The following CSAG1 variants were observed in gnomAD, a reference collection of about 807,000 sequenced individuals.
The protein encoded by CSAG1 is chondrosarcoma associated gene 1, also known as chondrosarcoma-associated gene 1 protein.
CSAG1 carries 4 observed loss-of-function variants against 4.8 expected under a neutral mutation model. That is an observed-to-expected ratio of 0.83 (90% CI 0.41 to 1.90). CSAG1 has a LOEUF of 1.90. Among genes scored for constraint, CSAG1 ranks in the 40% most tolerant of loss-of-function variants. CSAG1 has a pLI of 0.03. For missense variants in CSAG1, 69 were observed against 59.5 expected (o/e 1.16, Z -0.53); for synonymous variants, 21 against 23.1 (o/e 0.91, Z 0.26).
chrX:152,728,205 A>T lies in CSAG1; in HGVS notation c.36T>A (p.Thr12=). 1 of 1,210,957 alleles carries T rather than the reference A, an allele frequency of 8.3e-7. No homozygotes were observed. ...SATTACWPAF[T]VLGEARGDQV... ...GGTCTCCCCGAGCTTCCCCCAGGAC[A>T]GTGAAGGCAGGCCAGCAGGCTAGAA... Residue 12 remains threonine (T), a synonymous_variant, in exon 3 of 4, where the codon ACT becomes ACA. Transcript: ENST00000452779.
At chrX:152,727,943 T>C (rs1556830644) in intron 3 of CSAG1, 80 bp from the exon 4 acceptor site, 26 of 1,194,601 alleles carry the variant, frequency 2.2e-5, no homozygotes, top group African/African-American at 3.6e-5. Context: ...AGGGGTTTCA[T>C]AGAGAAATGG....
At position 152,728,236 on chromosome X, in the gene CSAG1, C is replaced by G; in HGVS notation, c.17-12G>C. On this transcript the variant is annotated splice_polypyrimidine_tract_variant and intron_variant, in intron 2 of 3. Transcript: ENST00000452779. ...GGCAGGCCAGCAGGCTAGAAACTCA[C>G]ACGACATTATTATGTTAGTCTTGTG... The G allele has an allele frequency of 8.3e-7, 1 of 1,200,104 alleles. No individual in the cohort carries two copies. The highest frequency in any genetic ancestry group is 1.7e-5 in the African/African-American group (1 of 57,591).
Position 152,727,647 on chromosome X carries a change from C to A in CSAG1, c.*147G>T. ...CCTTGCCTGGGAATTACTGGCTGCCCAAGGAAGCACTGGAGAAGGCGGTGG... is the reference window on the plus strand; with the variant it reads ...CCTTGCCTGGGAATTACTGGCTGCCAAAGGAAGCACTGGAGAAGGCGGTGG... On this transcript the variant is annotated 3_prime_UTR_variant, in exon 4 of 4. Coordinates refer to ENST00000452779, the MANE Select transcript of CSAG1 (RefSeq NM_001102576.3). The A allele has an allele frequency of 2.8e-6, 2 of 723,182 alleles. No individual in the cohort carries two copies. Among genetic ancestry groups the A allele is most frequent in the East Asian group, 3.2e-5 (1 of 31,115 alleles). The allele number at this position is 723,182 out of a possible 1,213,427, so 59.6% of individuals were successfully genotyped here. A position where few individuals can be genotyped will look rare whatever the true frequency, so the allele number is the denominator to read the frequency against.
At chrX:152,729,634 G>C (rs1189433935) in intron 2 of CSAG1, among the ~76,000 whole-genome samples, 1 of 111,639 alleles carries the variant, frequency 9.0e-6, no homozygotes, top group Admixed American at 9.5e-5. Flanking sequence ...TTAGATAATT[G>C]TGTACTAAAA....
At chrX:152,732,292 AG>A (rs1556227991) in intron 2 of CSAG1, among the ~76,000 whole-genome samples, 152 bp downstream of exon 2, 1 of 112,663 alleles carries the variant, frequency 8.9e-6, no homozygotes, top group African/African-American at 3.2e-5. Context: ...AAAATGTATA[AG>A]CTGCTTATAG....
chrX:152,730,566 A>T (rs868910923), intron 2 of CSAG1, among the ~76,000 whole-genome samples: 102 of 111,186 alleles, frequency 9.2e-4, no homozygotes, highest in African/African-American at 3.3e-3. Context: ...AGGGAGCAGG[A>T]CTCCACCAGA....
Position 152,728,103 on chromosome X carries a change from A to C in CSAG1, c.138T>G (p.Phe46Leu), listed in dbSNP as rs1556830766. ...MSRKPRASSP[F>L]SNNHPSTPKR... is the part of the protein sequence containing the mutation. ...TTGGTGTTGATGGGTGGTTGTTGGA[A>C]AATGGGCTGGAGGCTCGTGGTTTCC... The change falls in exon 3 of 4, where the codon TTT becomes TTG. Residue 46 changes from phenylalanine to leucine, a missense_variant. Physicochemically the swap from Phe to Leu is conservative, Grantham distance 22. Coordinates refer to ENST00000452779, the MANE Select transcript of CSAG1 (RefSeq NM_001102576.3). The C allele has an allele frequency of 1.4e-4, 171 of 1,208,759 alleles. No homozygotes were observed. In the African/African-American group the frequency reaches 2.3e-3, roughly 16 times the overall value.
intron 2 of CSAG1, among the ~76,000 whole-genome samples, chrX:152,728,811 C>T (rs1344650742): frequency 2.8e-5 from 3 of 108,407 alleles, no homozygotes; most frequent in East Asian, 2.9e-4. Flanking sequence ...GCAGAGAGCG[C>T]GCGAGAGAGA....
chrX:152,727,484 T>A lies in CSAG1; in HGVS notation c.*310A>T, dbSNP rs1932035144. On this transcript the variant is annotated 3_prime_UTR_variant, in exon 4 of 4. Coordinates refer to ENST00000452779, the MANE Select transcript of CSAG1 (RefSeq NM_001102576.3). ...CCTTTGAGACACACAGACACACACA[T>A]CATTTTACAACATGTTCATTTTATT... 5.9e-6 allele frequency: 2 copies of A among 337,603 alleles called. No homozygotes were observed. The highest frequency in any genetic ancestry group is 4.9e-5 in the Admixed American group (1 of 20,412). 27.8% of individuals were successfully genotyped at this position (337,603 alleles called of 1,213,427 possible).
intron 2 of CSAG1, among the ~76,000 whole-genome samples, chrX:152,730,220 G>A (rs1315560667): frequency 9.1e-6 from 1 of 110,325 alleles, no homozygotes; most frequent in Non-Finnish European, 1.9e-5. Context: ...TTCAGGAAAA[G>A]GCAAAATTAT....
At chrX:152,730,155 T>C (rs1276878570) in intron 2 of CSAG1, among the ~76,000 whole-genome samples, 1 of 108,419 alleles carries the variant, frequency 9.2e-6, no homozygotes, top group East Asian at 2.9e-4. Context: ...GAAACGAGTC[T>C]AGAAAGAAAC....
At chrX:152,729,406 A>G (rs1346876572) in intron 2 of CSAG1, among the ~76,000 whole-genome samples, 3 of 112,563 alleles carry the variant, frequency 2.7e-5, no homozygotes, top group African/African-American at 3.2e-5. Flanking sequence ...GCTCTTCAAA[A>G]GACAATGTTA....
At chrX:152,730,389 C>T (rs1932132290) in intron 2 of CSAG1, among the ~76,000 whole-genome samples, 1 of 111,800 alleles carries the variant, frequency 8.9e-6, no homozygotes, top group Non-Finnish European at 1.9e-5. Context: ...TGCTGAAATA[C>T]CAAGGTGATG....
chrX:152,727,870 AG>A lies in CSAG1; in HGVS notation c.168-8del. On this transcript the variant is annotated splice_polypyrimidine_tract_variant and splice_region_variant and intron_variant, in intron 3 of 3. Transcript: ENST00000452779. ...TCTGGGTTGTCTTGGGAACCTGGAA[AG>A]CCAACAGGGAGATCACAGGAGGGCA... 8.3e-7 allele frequency: 1 copy of A among 1,209,162 alleles called. No individual in the cohort carries two copies. The highest frequency in any genetic ancestry group is 1.1e-6 in the Non-Finnish European group (1 of 893,450).
chrX:152,729,524 GA>G (rs11320724), intron 2 of CSAG1, among the ~76,000 whole-genome samples: 11 of 111,960 alleles, frequency 9.8e-5, no homozygotes, highest in Admixed American at 8.5e-4. Context: ...CTCAGCGATA[GA>G]AAAAAATGAA....
chrX:152,727,684 T>C lies in CSAG1; in HGVS notation c.*110A>G, dbSNP rs1932043697. On this transcript the variant is annotated 3_prime_UTR_variant, in exon 4 of 4. Transcript: ENST00000452779. ...GGAGAAGGCGGTGGTCTCCTTGCCC[T>C]TGTGGTCCTGCTATGGCGCATTTTG... 2 of 980,323 alleles carry C rather than the reference T, an allele frequency of 2.0e-6. No homozygotes were observed. Among genetic ancestry groups the C allele is most frequent in the Non-Finnish European group, 2.9e-6 (2 of 686,396 alleles). 80.8% of individuals were successfully genotyped at this position (980,323 alleles called of 1,213,427 possible).
At chrX:152,732,192 G>A (rs782413523) in intron 2 of CSAG1, among the ~76,000 whole-genome samples, 2 of 112,469 alleles carry the variant, frequency 1.8e-5, no homozygotes, top group South Asian at 7.3e-4. Flanking sequence ...TTCACCTCAC[G>A]AAAGCAATAA....
At chrX:152,730,011 C>T (rs5925217) in intron 2 of CSAG1, among the ~76,000 whole-genome samples, 11,603 of 76,102 alleles carry the variant, frequency 0.15, 1,051 homozygotes, top group East Asian at 0.25. Context: ...TATATATATA[C>T]ACACATACAC....
At chrX:152,730,710 A>G (rs1196902462) in intron 2 of CSAG1, among the ~76,000 whole-genome samples, 4 of 112,539 alleles carry the variant, frequency 3.6e-5, no homozygotes, top group Admixed American at 9.4e-5. Flanking sequence ...GACAATGGCA[A>G]GAGGCATTTG....
Sources: gnomAD v4.1 joint callset for allele counts (sites outside exome capture counted in the v4.1 genomes callset) on GRCh38, gnomAD v4.1.1 for gene constraint, MANE v1.5 for transcripts, NCBI Gene and HGNC (gene_info 2026-07-23, HGNC 2026-07-21) for gene names.